Variants in GUCY1A2 observed in about 807,000 individuals in gnomAD.
GUCY1A2 encodes guanylate cyclase soluble subunit alpha-2.
A neutral mutation model predicts 63.5 loss-of-function variants in GUCY1A2; 27 were observed. That is an observed-to-expected ratio of 0.43 (90% CI 0.31 to 0.59). The LOEUF (loss-of-function observed/expected upper bound fraction) is 0.59, where lower values mean the gene tolerates loss of function less well. GUCY1A2 is among the 20% of genes least tolerant of loss of function. GUCY1A2 has a pLI of 0.11. For synonymous variants in GUCY1A2, 364 were observed against 343.5 expected, an observed-to-expected ratio of 1.06 and a Z score of -0.66; for missense variants, 768 against 913.3, an observed-to-expected ratio of 0.84 and a Z score of 2.05.
chr11:106,899,474 T>C (rs1013321536), intron 4 of GUCY1A2, among the ~76,000 whole-genome samples: 1 of 152,220 alleles, frequency 6.6e-6, no homozygotes, highest in Admixed American at 6.5e-5. Context: ...GAATTTCATG[T>C]ATTGTAAATT....
chr11:107,005,606 G>C (rs1448010192), intron 1 of GUCY1A2, among the ~76,000 whole-genome samples: 1 of 152,070 alleles, frequency 6.6e-6, no homozygotes, highest in African/African-American at 2.4e-5. Flanking sequence ...TTTTTTCTGA[G>C]AGCCCCTACT....
chr11:106,839,063 C>T (rs1859158646), intron 4 of GUCY1A2, among the ~76,000 whole-genome samples: 1 of 152,036 alleles, frequency 6.6e-6, no homozygotes, highest in South Asian at 2.1e-4. Flanking sequence ...TACCTATGTC[C>T]TGAATGGTAT....
At chr11:106,737,429 G>C (rs1239807707) in intron 6 of GUCY1A2, among the ~76,000 whole-genome samples, 1 of 151,962 alleles carries the variant, frequency 6.6e-6, no homozygotes, top group Non-Finnish European at 1.5e-5. Flanking sequence ...TTTAAGTGCT[G>C]GGGTACATGT....
chr11:107,010,398 T>C (rs1366068345), intron 1 of GUCY1A2, among the ~76,000 whole-genome samples: 1 of 152,190 alleles, frequency 6.6e-6, no homozygotes, highest in African/African-American at 2.4e-5. Flanking sequence ...GCAGAAAATA[T>C]AAGCAATCCA....
At chr11:106,966,380 T>G (rs940126135) in intron 3 of GUCY1A2, among the ~76,000 whole-genome samples, 1 of 152,166 alleles carries the variant, frequency 6.6e-6, no homozygotes, top group Non-Finnish European at 1.5e-5. Flanking sequence ...AGTGCTGGGA[T>G]TACAGGAATG....
intron 3 of GUCY1A2, among the ~76,000 whole-genome samples, chr11:106,957,891 AG>A (rs144029131): frequency 1.6e-4 from 17 of 108,500 alleles, no homozygotes; most frequent in South Asian, 9.0e-4. Context: ...TTTTTTTTTC[AG>A]AAAAAAAAGG....
intron 4 of GUCY1A2, among the ~76,000 whole-genome samples, chr11:106,900,977 T>C (rs1591319938): frequency 1.3e-5 from 2 of 152,202 alleles, no homozygotes; most frequent in Non-Finnish European, 2.9e-5. Flanking sequence ...CTTGAAACAA[T>C]AAAGTTTGCC....
chr11:106,890,205 T>C (rs557762978), intron 4 of GUCY1A2, among the ~76,000 whole-genome samples: 1 of 152,324 alleles, frequency 6.6e-6, no homozygotes, highest in East Asian at 1.9e-4. Flanking sequence ...TTATTATCTA[T>C]ATGCTATAAG....
At chr11:106,811,195 T>C (rs972665125) in intron 4 of GUCY1A2, among the ~76,000 whole-genome samples, 7 of 152,086 alleles carry the variant, frequency 4.6e-5, no homozygotes, top group African/African-American at 1.4e-4. Context: ...TTTAAATCTA[T>C]TCCTCTTTTC....
At chr11:106,952,615 T>C (rs1188722122) in intron 3 of GUCY1A2, among the ~76,000 whole-genome samples, 1 of 152,052 alleles carries the variant, frequency 6.6e-6, no homozygotes, top group Non-Finnish European at 1.5e-5. Context: ...CTGAAGTTGC[T>C]TATCAGTTCA....
intron 3 of GUCY1A2, among the ~76,000 whole-genome samples, chr11:106,948,912 A>G (rs1286994217): frequency 1.3e-5 from 2 of 152,208 alleles, no homozygotes; most frequent in African/African-American, 4.8e-5. Context: ...GTACAATGCA[A>G]AAGATGAAGC....
At chr11:106,911,343 A>G (rs1172735015) in intron 4 of GUCY1A2, among the ~76,000 whole-genome samples, 3 of 152,060 alleles carry the variant, frequency 2.0e-5, no homozygotes, top group African/African-American at 7.2e-5. Flanking sequence ...TGAAAGCCAC[A>G]CCTCATGTTA....
chr11:106,976,600 T>C (rs908063695), intron 3 of GUCY1A2, among the ~76,000 whole-genome samples: 2 of 152,188 alleles, frequency 1.3e-5, no homozygotes, highest in African/African-American at 4.8e-5. Flanking sequence ...CAGCATCTGG[T>C]TGACAGGTGG....
intron 4 of GUCY1A2, among the ~76,000 whole-genome samples, chr11:106,929,451 C>A (rs912242360): frequency 2.0e-5 from 3 of 152,154 alleles, no homozygotes; most frequent in Non-Finnish European, 4.4e-5. Context: ...CTAAATCTCT[C>A]TACTCCACCA....
chr11:107,002,751 A>G (rs538898595), intron 1 of GUCY1A2, among the ~76,000 whole-genome samples: 1 of 152,336 alleles, frequency 6.6e-6, no homozygotes, highest in South Asian at 2.1e-4. Flanking sequence ...TCATTAATAT[A>G]TATCTAGAGA....
intron 4 of GUCY1A2, among the ~76,000 whole-genome samples, chr11:106,904,042 T>C (rs748455285): frequency 1.5e-4 from 23 of 152,276 alleles, no homozygotes; most frequent in Non-Finnish European, 2.5e-4. Context: ...AAATTTCTCA[T>C]AGCTATCATA....
intron 4 of GUCY1A2, among the ~76,000 whole-genome samples, chr11:106,857,438 G>A (rs1859452093): frequency 6.6e-6 from 1 of 152,046 alleles, no homozygotes; most frequent in Admixed American, 6.6e-5. Context: ...ATGGATTTTG[G>A]GGGAACATAA....
intron 4 of GUCY1A2, among the ~76,000 whole-genome samples, chr11:106,879,817 C>A (rs1428359875): frequency 6.6e-6 from 1 of 151,984 alleles, no homozygotes; most frequent in African/African-American, 2.4e-5. Context: ...CTTCACTGAG[C>A]CATGAAATGA....
chr11:106,806,698 C>T (rs965448531), intron 5 of GUCY1A2, among the ~76,000 whole-genome samples: 1 of 152,124 alleles, frequency 6.6e-6, no homozygotes, highest in African/African-American at 2.4e-5. Context: ...CTTCAATTTG[C>T]CTAGCTCTTA....
Sources: gnomAD v4.1 joint callset for allele counts (sites outside exome capture counted in the v4.1 genomes callset) on GRCh38, gnomAD v4.1.1 for gene constraint, MANE v1.5 for transcripts, NCBI Gene and HGNC (gene_info 2026-07-23, HGNC 2026-07-21) for gene names.